PECAM1: variants seen among roughly 807,000 people sequenced by gnomAD.
PECAM1 encodes the protein platelet and endothelial cell adhesion molecule 1.
PECAM1 carries 8 observed loss-of-function variants against 13.8 expected under a neutral mutation model. That is an observed-to-expected ratio of 0.58 (90% CI 0.34 to 1.05). PECAM1 has a LOEUF of 1.05. Among genes scored for constraint, PECAM1 ranks in the 50% least tolerant of loss-of-function variants. PECAM1 has a pLI of 0.03. For synonymous variants in PECAM1, 136 were observed against 52.6 expected (o/e 2.58, Z -6.86); for missense variants, 304 against 141.2 (o/e 2.15, Z -5.84).
Position 64,320,395 on chromosome 17 carries a change from C to T in PECAM1, c.*3421G>A, listed in dbSNP as rs1026069046. On this transcript the variant is annotated 3_prime_UTR_variant, in exon 16 of 16. Coordinates refer to ENST00000563924, the MANE Select transcript of PECAM1 (RefSeq NM_000442.5). ...GACAGACTGCCCTGCTGCCATCCCT[C>T]CAGGGCACCCCCCACTCCCTTGCCT... is the stretch of plus-strand genomic sequence containing the variant. 9.2e-5 allele frequency: 14 copies of T among 152,496 alleles called. No individual in the cohort carries two copies. The highest frequency in any genetic ancestry group is 3.1e-4 in the African/African-American group (13 of 41,452). 9.4% of individuals were successfully genotyped at this position (152,496 alleles called of 1,614,324 possible).
At chr17:64,325,168 C>T (rs1436132878) in intron 15 of PECAM1, among the ~76,000 whole-genome samples, 5 of 152,156 alleles carry the variant, frequency 3.3e-5, no homozygotes, top group Non-Finnish European at 5.9e-5. Flanking sequence ...GCGGGTGGAT[C>T]ATGAGGTCAG....
intron 2 of PECAM1, among the ~76,000 whole-genome samples, chr17:64,379,341 C>T (rs936269425): frequency 1.3e-5 from 2 of 152,178 alleles, no homozygotes; most frequent in Admixed American, 6.6e-5. Flanking sequence ...AGCAGGCTGA[C>T]GGAAGGGTGG....
At chr17:64,324,376 C>T (rs952476954) in intron 15 of PECAM1, among the ~76,000 whole-genome samples, 22 of 152,250 alleles carry the variant, frequency 1.4e-4, no homozygotes, top group East Asian at 3.9e-4. Flanking sequence ...GGCTCCTGCC[C>T]GTATGTATTT....
At chr17:64,387,424 A>C (rs1018397865) in intron 2 of PECAM1, among the ~76,000 whole-genome samples, 2 of 152,172 alleles carry the variant, frequency 1.3e-5, no homozygotes, top group Non-Finnish European at 2.9e-5. Context: ...GACACCAGAT[A>C]AACGGTGGGG....
At chr17:64,344,279 C>T (rs1203250087) in intron 13 of PECAM1, among the ~76,000 whole-genome samples, 3 of 151,938 alleles carry the variant, frequency 2.0e-5, no homozygotes, top group African/African-American at 7.3e-5. Context: ...AGTTGCAGCT[C>T]ATCACTACCT....
chr17:64,387,749 T>C (rs1226856667), intron 2 of PECAM1, among the ~76,000 whole-genome samples: 1 of 152,048 alleles, frequency 6.6e-6, no homozygotes, highest in African/African-American at 2.4e-5. Context: ...ATGACTGTTT[T>C]CTAGGTGAAG....
At chr17:64,372,547 C>A (rs1598044915) in intron 4 of PECAM1, among the ~76,000 whole-genome samples, 1 of 151,994 alleles carries the variant, frequency 6.6e-6, no homozygotes, top group Non-Finnish European at 1.5e-5. Flanking sequence ...ACTCAGTCAC[C>A]CAGGCTGGAA....
chr17:64,328,183 C>T (rs369426830), intron 15 of PECAM1, among the ~76,000 whole-genome samples: 4 of 152,334 alleles, frequency 2.6e-5, no homozygotes, highest in African/African-American at 9.6e-5. Context: ...CAGAGACACC[C>T]TTTGGATCCA....
At chr17:64,331,949 A>G (rs975251948) in intron 14 of PECAM1, among the ~76,000 whole-genome samples, 1 of 152,260 alleles carries the variant, frequency 6.6e-6, no homozygotes, top group Non-Finnish European at 1.5e-5. Flanking sequence ...AAGGGGCCTC[A>G]GTATAGACCC....
intron 6 of PECAM1, among the ~76,000 whole-genome samples, chr17:64,361,129 A>ATG (rs145637288): frequency 0.057 from 7,858 of 136,988 alleles, 255 homozygotes; most frequent in African/African-American, 0.077. Context: ...CTGAGCATAT[A>ATG]TGTGTGTGTG....
chr17:64,378,644 G>C (rs1411443247), intron 2 of PECAM1, among the ~76,000 whole-genome samples: 1 of 138,028 alleles, frequency 7.2e-6, no homozygotes, highest in Non-Finnish European at 1.5e-5. Flanking sequence ...TGTCTCAAAA[G>C]ACAAAAAAAA....
chr17:64,350,952 C>T (rs895233095), intron 11 of PECAM1, among the ~76,000 whole-genome samples: 7 of 152,170 alleles, frequency 4.6e-5, no homozygotes, highest in Non-Finnish European at 8.8e-5. Context: ...TCTCAGGTCA[C>T]TGCAACCTCC....
chr17:64,334,476 G>A (rs1364650980), intron 14 of PECAM1, among the ~76,000 whole-genome samples: 2 of 152,052 alleles, frequency 1.3e-5, no homozygotes, highest in Non-Finnish European at 2.9e-5. Context: ...CACCCAGCTG[G>A]CTCACTGATC....
chr17:64,341,884 T>C (rs2035439760), intron 13 of PECAM1, among the ~76,000 whole-genome samples, 194 bp from the exon 14 acceptor site: 1 of 152,064 alleles, frequency 6.6e-6, no homozygotes, highest in Non-Finnish European at 1.5e-5. Context: ...GCAAGGTGGC[T>C]CATACCTGTA....
At chr17:64,376,083 C>A (rs2036351282) in intron 3 of PECAM1, among the ~76,000 whole-genome samples, 2 of 152,022 alleles carry the variant, frequency 1.3e-5, no homozygotes, top group Admixed American at 6.6e-5. Flanking sequence ...GCAGGTGGAT[C>A]ACCTGAGGTC....
rs2035746412 is a variant in PECAM1, at chr17:64,352,386, T to C, written c.1990+4A>G. On this transcript the variant is annotated splice_donor_region_variant and intron_variant, in intron 11 of 15. Transcript: ENST00000563924. Reference sequence around the variant, plus strand: ...TTAGAAATGGCAGGAGAACATGACTTTACCGTAATGACTGTTAGCTTCCAT... The same window carrying C: ...TTAGAAATGGCAGGAGAACATGACTCTACCGTAATGACTGTTAGCTTCCAT... The C allele has an allele frequency of 4.2e-6, 2 of 475,002 alleles. No homozygotes were observed. Among genetic ancestry groups the C allele is most frequent in the African/African-American group, 4.0e-5 (2 of 50,486 alleles). The allele number at this position is 475,002 out of a possible 1,614,324, so 29.4% of individuals were successfully genotyped here. A position where few individuals can be genotyped will look rare whatever the true frequency, so the allele number is the denominator to read the frequency against.
At chr17:64,331,240 A>T (rs1212092127) in intron 14 of PECAM1, among the ~76,000 whole-genome samples, 1 of 149,148 alleles carries the variant, frequency 6.7e-6, no homozygotes, top group Non-Finnish European at 1.5e-5. Context: ...TCTGTCACCC[A>T]GGCTGGAGTG....
At chr17:64,366,809 C>T (rs1183691151) in intron 5 of PECAM1, among the ~76,000 whole-genome samples, 4 of 116,828 alleles carry the variant, frequency 3.4e-5, no homozygotes, top group Non-Finnish European at 4.9e-5. Context: ...GAACATCACA[C>T]TCTGGGGACT....
At chr17:64,343,364 C>T (rs892457379) in intron 13 of PECAM1, among the ~76,000 whole-genome samples, 1 of 152,110 alleles carries the variant, frequency 6.6e-6, no homozygotes, top group Admixed American at 6.5e-5. Flanking sequence ...CCAACACACC[C>T]ACACTCACTC....
Sources: gnomAD v4.1 joint callset for allele counts (sites outside exome capture counted in the v4.1 genomes callset) on GRCh38, gnomAD v4.1.1 for gene constraint, MANE v1.5 for transcripts, NCBI Gene and HGNC (gene_info 2026-07-23, HGNC 2026-07-21) for gene names.